Variants in MYH13 observed in about 807,000 individuals in gnomAD.
MYH13 encodes the protein myosin-13.
MYH13 carries 177 observed loss-of-function variants against 232.1 expected under a neutral mutation model. That is an observed-to-expected ratio of 0.76 (90% CI 0.67 to 0.86). MYH13 has a LOEUF of 0.86. MYH13 is among the 40% of genes least tolerant of loss of function. The probability of loss-of-function intolerance (pLI) is 0.00; values close to 1 mark genes in which losing one functional copy is unlikely to be tolerated. For synonymous variants in MYH13, 884 were observed against 923.5 expected, an observed-to-expected ratio of 0.96 and a Z score of 0.78; for missense variants, 2,246 against 2,405.9, an observed-to-expected ratio of 0.93 and a Z score of 1.39.
rs1906307484 is a variant in MYH13 at position 10,306,907 on chromosome 17, C to T, written c.5295+32G>A. On this transcript the variant is annotated intron_variant, in intron 36 of 40. Transcript: ENST00000252172. The surrounding 1 kb of genome is among the most constrained non-coding windows in gnomAD (Gnocchi z 4.3). ...GAGGCCCCACTTTCTCAGTTCCAAA[C>T]CCCATCTCTGAAAAGGAAGAACAGA... 2 of 1,611,708 alleles carry T rather than the reference C, an allele frequency of 1.2e-6. No homozygotes were observed. Among genetic ancestry groups the T allele is most frequent in the Non-Finnish European group, 1.7e-6 (2 of 1,179,776 alleles).
Position 10,355,828 on chromosome 17 carries a change from C to CTTTTTTTTTTTTTTT in MYH13, c.739-696_739-682dup, listed in dbSNP as rs61338527. ...TAACTGGTTGGATTGTTCTGTCTGA[C>CTTTTTTTTTTTTTTT]TTTTTTTTTTTTTTTTTTTTTTTTT... On this transcript the variant is annotated intron_variant, in intron 8 of 40. Transcript: ENST00000252172. Among the ~76,000 whole-genome samples the CTTTTTTTTTTTTTTT allele has an allele frequency of 2.8e-4, 19 of 66,810 alleles. 2 individuals are homozygous for CTTTTTTTTTTTTTTT. The highest frequency in any genetic ancestry group is 7.6e-4 in the South Asian group (1 of 1,308). The allele number at this position is 66,810 out of a possible 152,430, so 43.8% of individuals were successfully genotyped here.
intron 8 of MYH13, among the ~76,000 whole-genome samples, chr17:10,356,115 C>T (rs989755247): frequency 6.6e-5 from 10 of 152,054 alleles, no homozygotes; most frequent in East Asian, 3.9e-4. Flanking sequence ...CGACACTGTG[C>T]GCAAATTTGA....
rs200606595 is a variant in MYH13 at position 10,321,643 on chromosome 17, C to G, written c.3000G>C (p.Lys1000Asn). The part of the protein sequence containing the change: ...EENISKLTKE[K>N]KSLQEAHQQT... ...GCTGATGGGCCTCCTGTAGAGATTT[C>G]TTTTCTTTGGTCAATTTGGAAATGT... Residue 1000 changes from lysine to asparagine, a missense_variant, in exon 24 of 41, where the codon AAG (lysine) becomes AAC (asparagine). Coordinates refer to ENST00000252172, the MANE Select transcript of MYH13 (RefSeq NM_003802.3). The G allele has an allele frequency of 4.4e-5, 71 of 1,613,556 alleles. No individual in the cohort carries two copies. Among genetic ancestry groups the G allele is most frequent in the Non-Finnish European group, 5.8e-5 (69 of 1,179,706 alleles).
intron 3 of MYH13, among the ~76,000 whole-genome samples, chr17:10,363,628 C>G (rs1017077250): frequency 1.3e-5 from 2 of 152,040 alleles, no homozygotes; most frequent in South Asian, 2.1e-4. Flanking sequence ...GCTGTGAGTC[C>G]CCCGTGTAGT....
chr17:10,303,199 C>T lies in MYH13; in HGVS notation c.5664G>A (p.Glu1888=). The part of the protein sequence containing the change: ...KVKSYKRQAE[E]AEEQANTQLS... ...GCCGGGGACCTCCTGTGCTTACCGC[C>T]TCCTCAGCCTGCCTCTTGTAAGACT... is the stretch of plus-strand genomic sequence containing the variant. Residue 1888 remains glutamate, a synonymous_variant, in exon 39 of 41, where the codon GAG becomes GAA. Coordinates refer to ENST00000252172, the MANE Select transcript of MYH13 (RefSeq NM_003802.3). 1 of 1,612,776 alleles carries T rather than the reference C, an allele frequency of 6.2e-7. No individual in the cohort carries two copies. The highest frequency in any genetic ancestry group is 1.1e-5 in the South Asian group (1 of 91,018).
At position 10,301,594 on chromosome 17, in the gene MYH13, G is replaced by A; in HGVS notation, c.5777C>T (p.Ala1926Val). 6.2e-7 allele frequency: 1 copy of A among 1,614,156 alleles called. No individual in the cohort carries two copies. Among genetic ancestry groups the A allele is most frequent in the Non-Finnish European group, 8.5e-7 (1 of 1,180,026 alleles). ...CTGGCTGCCCACGTCTCGGCTCTTG[G>A]CCCTCAGCTTGTTGACCTGGGACTC... The part of the protein sequence containing the change: ...IAESQVNKLR[A>V]KSRDVGSQKM... The change falls in exon 40 of 41, where the codon GCC (alanine) becomes GTC (valine). Residue 1926 changes from alanine (A) to valine (V), a missense_variant. By Grantham distance (64) the Ala-to-Val change is moderately conservative. Coordinates refer to ENST00000252172, the MANE Select transcript of MYH13 (RefSeq NM_003802.3).
intron 16 of MYH13, among the ~76,000 whole-genome samples, chr17:10,343,386 T>C (rs9303256): frequency 0.78 from 118,160 of 151,908 alleles, 46,482 homozygotes; most frequent in East Asian, 0.88. Context: ...TTAGTAGAGA[T>C]GGGGTTTCAC....
chr17:10,309,157 C>T (rs1906396378), intron 35 of MYH13, 77 bp downstream of exon 35: 2 of 1,424,052 alleles, frequency 1.4e-6, no homozygotes, highest in Non-Finnish European at 1.9e-6. Flanking sequence ...GGAGGGATAG[C>T]GGAAGCAGCT....
Position 10,313,277 on chromosome 17 carries a change from C to G in MYH13, c.4062G>C (p.Glu1354Asp). Reference sequence around the variant, plus strand: ...TCTGCAGCTCGGCCTTGGCTTCCTGCTCCTCCTCATACTGTTCCCGCAGCA... The same window carrying G: ...TCTGCAGCTCGGCCTTGGCTTCCTGGTCCTCCTCATACTGTTCCCGCAGCA... ...CDLLREQYEE[E>D]QEAKAELQRA... The change falls in exon 30 of 41, where the codon GAG becomes GAC. Residue 1354 changes from glutamate (E) to aspartate (D), a missense_variant. Glu to Asp is a conservative substitution (Grantham distance 45). Coordinates refer to ENST00000252172, the MANE Select transcript of MYH13 (RefSeq NM_003802.3). 6.2e-7 allele frequency: 1 copy of G among 1,614,248 alleles called. No homozygotes were observed. The highest frequency in any genetic ancestry group is 8.5e-7 in the Non-Finnish European group (1 of 1,180,048).
Position 10,330,846 on chromosome 17 carries a change from A to C in MYH13, c.2299-323T>G, listed in dbSNP as rs138052678. On this transcript the variant is annotated intron_variant, in intron 20 of 40. Transcript: ENST00000252172. ...AGCCTGGCCAACATGGTGAAACCCT[A>C]TCTCTACTAAAAATACAAAAATTAT... 7.9e-3 allele frequency among the ~76,000 whole-genome samples: 1,201 copies of C among 151,884 alleles called. 20 individuals carry two copies. The highest frequency in any genetic ancestry group is 0.027 in the African/African-American group (1,115 of 41,412).
intron 7 of MYH13, among the ~76,000 whole-genome samples, chr17:10,358,817 A>G (rs1378660063): frequency 6.6e-6 from 1 of 152,170 alleles, no homozygotes; most frequent in Non-Finnish European, 1.5e-5. Context: ...CTACACAATC[A>G]GGAATTCTGG....
At chr17:10,322,689 A>G (rs777895013) in intron 23 of MYH13, among the ~76,000 whole-genome samples, 34 of 133,298 alleles carry the variant, frequency 2.6e-4, no homozygotes, top group Non-Finnish European at 4.6e-4. Flanking sequence ...GCTGGAGTGC[A>G]GTGGCGCAGT....
intron 1 of MYH13, 26 bp from the exon 2 acceptor site, chr17:10,371,285 C>A (rs1448110061): frequency 6.6e-6 from 1 of 151,616 alleles, no homozygotes; most frequent in African/African-American, 2.4e-5. Context: ...GAAAAAAAAA[C>A]AAACCAAAAA....
Position 10,340,246 on chromosome 17 carries a change from T to C in MYH13, c.1969-9A>G. On this transcript the variant is annotated splice_polypyrimidine_tract_variant and intron_variant, in intron 17 of 40. Transcript: ENST00000252172. ...AATTTGTTTAAATTTTCCTGGGACA[T>C]AAACCAAAACAAGCACATTTAGCAA... is the stretch of plus-strand genomic sequence containing the variant. 1 of 1,613,812 alleles carries C rather than the reference T, an allele frequency of 6.2e-7. No homozygotes were observed. Among genetic ancestry groups the C allele is most frequent in the Non-Finnish European group, 8.5e-7 (1 of 1,179,758 alleles).
intron 23 of MYH13, among the ~76,000 whole-genome samples, chr17:10,322,566 T>A: frequency 6.6e-6 from 1 of 151,892 alleles, no homozygotes; most frequent in Non-Finnish European, 1.5e-5. Flanking sequence ...ATGGGCTGAA[T>A]CTGGCCATAT....
At chr17:10,364,289 T>A (rs763340040) in intron 3 of MYH13, 38 bp downstream of exon 3, 1 of 1,574,720 alleles carries the variant, frequency 6.4e-7, no homozygotes, top group Non-Finnish European at 8.7e-7. Context: ...AAAATGAGCA[T>A]GCCCATATTA....
intron 21 of MYH13, among the ~76,000 whole-genome samples, chr17:10,329,164 A>G (rs1173374797): frequency 6.6e-6 from 1 of 151,928 alleles, no homozygotes; most frequent in Admixed American, 6.5e-5. Flanking sequence ...GATGCCTGGG[A>G]GTGATTCCTG....
At chr17:10,350,482 G>C in intron 12 of MYH13, 74 bp downstream of exon 12, 1 of 1,545,162 alleles carries the variant, frequency 6.5e-7, no homozygotes, top group Non-Finnish European at 8.7e-7. Context: ...AATGAATGCA[G>C]TTTATCTCAC....
rs775658465 is a variant in MYH13 at position 10,309,281 on chromosome 17, G to T, written c.5122C>A (p.Gln1708Lys). ...CGGTCGCTGGCGTCCAGCAGCTCCT[G>T]CTCTGACAGCCTGCGGGTCCGCTCC... ...QTERTRRLSE[Q>K]ELLDASDRVQ... Residue 1708 changes from glutamine to lysine, a missense_variant, in exon 35 of 41, where the codon CAG becomes AAG. Gln to Lys is a moderately conservative substitution (Grantham distance 53). Coordinates refer to ENST00000252172, the MANE Select transcript of MYH13 (RefSeq NM_003802.3). 2 of 1,613,838 alleles carry T rather than the reference G, an allele frequency of 1.2e-6. No individual in the cohort carries two copies. Among genetic ancestry groups the T allele is most frequent in the Non-Finnish European group, 1.7e-6 (2 of 1,179,854 alleles).
Sources: gnomAD v4.1 joint callset for allele counts (sites outside exome capture counted in the v4.1 genomes callset) on GRCh38, gnomAD v4.1.1 for gene constraint, Gnocchi (gnomAD v3.1) non-coding constraint, MANE v1.5 for transcripts, NCBI Gene and HGNC (gene_info 2026-07-23, HGNC 2026-07-21) for gene names.